The following CSMD1 variants were observed in gnomAD, a reference collection of about 807,000 sequenced individuals.
The protein encoded by CSMD1 is CUB and sushi domain-containing protein 1.
In CSMD1, 213 loss-of-function variants were observed where a neutral mutation model predicts 417.5. That is an observed-to-expected ratio of 0.51 (90% CI 0.46 to 0.57). The LOEUF (loss-of-function observed/expected upper bound fraction) is 0.57. Ranked by LOEUF, CSMD1 falls within the 20% of genes least tolerant of loss-of-function variation. The pLI, the probability that CSMD1 is intolerant of heterozygous loss-of-function variation, is 0.00. For missense variants in CSMD1, 6,923 were observed against 4,529.7 expected (o/e 1.53, Z -15.17); for synonymous variants, 2,862 against 1,736.8 (o/e 1.65, Z -16.11).
chr8:3,706,446 A>C (rs12542452), intron 7 of CSMD1, among the ~76,000 whole-genome samples: 140,316 of 152,244 alleles, frequency 0.92, 64,733 homozygotes, highest in East Asian at 0.99. Flanking sequence ...AGAAGGCTCA[A>C]GGTTTCCATT....
chr8:3,939,465 A>T (rs963677313), intron 5 of CSMD1, among the ~76,000 whole-genome samples: 2 of 152,166 alleles, frequency 1.3e-5, no homozygotes, highest in Non-Finnish European at 2.9e-5. Flanking sequence ...TTCCTTAAAG[A>T]ACTAAAAGTA....
intron 41 of CSMD1, among the ~76,000 whole-genome samples, chr8:3,136,248 T>C (rs867948273): frequency 2.0e-5 from 3 of 151,350 alleles, no homozygotes; most frequent in Admixed American, 6.6e-5. Flanking sequence ...CAAGCCTTTT[T>C]TTTTTCTTTT....
intron 5 of CSMD1, among the ~76,000 whole-genome samples, chr8:3,818,760 A>G (rs1000059035): frequency 1.3e-5 from 2 of 152,166 alleles, no homozygotes; most frequent in Admixed American, 1.3e-4. Context: ...ATGGTGTTAA[A>G]ACACACCTGG....
chr8:4,424,465 A>G (rs1261576833), intron 2 of CSMD1, among the ~76,000 whole-genome samples: 1 of 152,052 alleles, frequency 6.6e-6, no homozygotes. Context: ...CATCAGAGGA[A>G]TGCAAATTAA....
At chr8:4,354,909 T>TGTGTGTGTGTGTGTG (rs201029099) in intron 3 of CSMD1, among the ~76,000 whole-genome samples, 10 of 146,816 alleles carry the variant, frequency 6.8e-5, no homozygotes, top group South Asian at 2.2e-4. Flanking sequence ...TGTGTGTGTG[T>TGTGTGTGTGTGTGTG]TAAATATTTG....
At chr8:4,766,023 T>A (rs1812439436) in intron 1 of CSMD1, among the ~76,000 whole-genome samples, 1 of 152,218 alleles carries the variant, frequency 6.6e-6, no homozygotes, top group South Asian at 2.1e-4. Context: ...ATATATTTTT[T>A]AATCTTTACA....
intron 5 of CSMD1, among the ~76,000 whole-genome samples, chr8:3,846,169 C>T (rs10096915): frequency 6.6e-6 from 1 of 151,968 alleles, no homozygotes; most frequent in Non-Finnish European, 1.5e-5. Flanking sequence ...ATGCATGGTA[C>T]ATAAGTGTAT....
intron 4 of CSMD1, among the ~76,000 whole-genome samples, chr8:4,027,804 A>G (rs1489263589): frequency 6.6e-6 from 1 of 152,220 alleles, no homozygotes; most frequent in Admixed American, 6.6e-5. Flanking sequence ...AAGTAAGGCC[A>G]AGACACTTGA....
intron 1 of CSMD1, among the ~76,000 whole-genome samples, chr8:4,709,533 G>C (rs191052711): frequency 1.3e-5 from 2 of 152,274 alleles, no homozygotes; most frequent in Admixed American, 6.5e-5. Flanking sequence ...AGAGGGCAGA[G>C]ACCTCGAGGC....
At chr8:3,685,807 T>C (rs1483575323) in intron 7 of CSMD1, among the ~76,000 whole-genome samples, 6 of 152,178 alleles carry the variant, frequency 3.9e-5, no homozygotes, top group Admixed American at 6.5e-5. Context: ...ATTTATAAAG[T>C]ACATGAGATG....
intron 12 of CSMD1, among the ~76,000 whole-genome samples, chr8:3,465,987 A>G (rs1400280890): frequency 6.6e-6 from 1 of 152,186 alleles, no homozygotes; most frequent in Non-Finnish European, 1.5e-5. Context: ...CAATTCATCT[A>G]AACACCCCTC....
intron 17 of CSMD1, among the ~76,000 whole-genome samples, chr8:3,394,003 A>AAAT (rs1563342154): frequency 2.1e-5 from 1 of 47,536 alleles, no homozygotes; most frequent in Non-Finnish European, 4.0e-5. Flanking sequence ...ATAATAATAA[A>AAAT]AAAATAAATT....
intron 3 of CSMD1, among the ~76,000 whole-genome samples, chr8:4,368,740 G>T (rs1317982715): frequency 6.6e-6 from 1 of 152,012 alleles, no homozygotes; most frequent in Non-Finnish European, 1.5e-5. Context: ...AGGTTTTCTA[G>T]TTTGTGTATA....
chr8:3,561,016 C>T (rs952250328), intron 10 of CSMD1, among the ~76,000 whole-genome samples: 5 of 152,126 alleles, frequency 3.3e-5, no homozygotes, highest in African/African-American at 9.7e-5. Context: ...AATAAAACGG[C>T]AGGCAGTGAA....
intron 10 of CSMD1, among the ~76,000 whole-genome samples, chr8:3,514,837 A>G (rs1797221209): frequency 2.0e-5 from 3 of 152,184 alleles, no homozygotes; most frequent in African/African-American, 7.2e-5. Context: ...CAAACAACAT[A>G]TTGCTGATAA....
At chr8:4,820,197 T>C (rs1799441293) in intron 1 of CSMD1, among the ~76,000 whole-genome samples, 1 of 152,116 alleles carries the variant, frequency 6.6e-6, no homozygotes, top group Non-Finnish European at 1.5e-5. Flanking sequence ...CATCCTCTCT[T>C]GGCCTGGACA....
chr8:4,475,492 G>A (rs1266109046), intron 2 of CSMD1, among the ~76,000 whole-genome samples: 1 of 152,152 alleles, frequency 6.6e-6, no homozygotes, highest in South Asian at 2.1e-4. Flanking sequence ...ACCCAGAATT[G>A]TGTTTTTTAG....
chr8:3,578,913 A>T (rs1302534872), intron 9 of CSMD1, among the ~76,000 whole-genome samples: 1 of 152,250 alleles, frequency 6.6e-6, no homozygotes, highest in Non-Finnish European at 1.5e-5. Flanking sequence ...TCTCTCCGTA[A>T]GTTGCCATCG....
chr8:4,441,803 TA>T (rs1798499256), intron 2 of CSMD1, among the ~76,000 whole-genome samples: 1 of 152,062 alleles, frequency 6.6e-6, no homozygotes, highest in Non-Finnish European at 1.5e-5. Flanking sequence ...ATAAATCAAA[TA>T]AGGTTCAATC....
Sources: allele counts gnomAD v4.1 joint callset (sites outside exome capture counted in the v4.1 genomes callset), GRCh38; gene constraint gnomAD v4.1.1; transcripts MANE v1.5; gene names NCBI Gene and HGNC (gene_info 2026-07-23, HGNC 2026-07-21).